APLP2: variants seen among roughly 807,000 people sequenced by gnomAD.
The protein encoded by APLP2 is amyloid beta precursor like protein 2.
A neutral mutation model predicts 89.9 loss-of-function variants in APLP2; 53 were observed. The ratio of observed to expected loss-of-function variants is 0.59; its 90% CI spans 0.47 to 0.74. APLP2 has a LOEUF of 0.74. APLP2 is among the 30% of genes least tolerant of loss of function. The pLI is 0.00. For synonymous variants in APLP2, 372 were observed against 348.6 expected (o/e 1.07, Z -0.75); for missense variants, 973 against 975.9 (o/e 1.00, Z 0.04).
chr11:130,131,547 C>G (rs543888037), intron 11 of APLP2, among the ~76,000 whole-genome samples: 13 of 152,244 alleles, frequency 8.5e-5, no homozygotes, highest in Non-Finnish European at 2.9e-5. Flanking sequence ...GCCTGGAGCT[C>G]AGGACTTTGC....
chr11:130,105,701 C>CTTTTTTTTTTT, intron 1 of APLP2, among the ~76,000 whole-genome samples: 1 of 118,208 alleles, frequency 8.5e-6, no homozygotes, highest in Non-Finnish European at 1.7e-5. Context: ...TTTCTGTCTG[C>CTTTTTTTTTTT]TTTTTTTTTT....
rs913659076 is a variant in APLP2, at chr11:130,143,892, A to C, written c.*444A>C. 6.4e-6 allele frequency: 1 copy of C among 156,272 alleles called. No individual in the cohort carries two copies. The highest frequency in any genetic ancestry group is 1.4e-5 in the Non-Finnish European group (1 of 70,794). The allele number at this position is 156,272 out of a possible 1,614,324, so 9.7% of individuals were successfully genotyped here. A position where few individuals can be genotyped will look rare whatever the true frequency, so the allele number is the denominator to read the frequency against. ...TGTCCTGGCTTTTATTTAAAGAAAAAAAAGGCAGTATTCCCTTTTTAAATG... is the reference window on the plus strand; with the variant it reads ...TGTCCTGGCTTTTATTTAAAGAAAACAAAGGCAGTATTCCCTTTTTAAATG... On this transcript the variant is annotated 3_prime_UTR_variant, in exon 17 of 17. Coordinates refer to ENST00000338167, the MANE Select transcript of APLP2 (RefSeq NM_001142276.2).
rs189205263 is a variant in APLP2, at chr11:130,073,254, A to G, written c.105+3172A>G. Among the ~76,000 whole-genome samples, 7 of 152,368 alleles carry G rather than the reference A, an allele frequency of 4.6e-5. No homozygotes were observed. The East Asian group carries it at 1.3e-3, about 29-fold the overall frequency. ...AAACAATACTTTAGACATGGGCTAA[A>G]TAAAACATTAAAATTAATTTCACTT... On this transcript the variant is annotated intron_variant, in intron 1 of 16. Coordinates refer to ENST00000338167, the MANE Select transcript of APLP2 (RefSeq NM_001142276.2).
At chr11:130,085,152 CA>C (rs1424323684) in intron 1 of APLP2, among the ~76,000 whole-genome samples, 13 of 149,326 alleles carry the variant, frequency 8.7e-5, no homozygotes, top group African/African-American at 3.3e-4. Flanking sequence ...AGTCAGTAAT[CA>C]AAAACCTCCC....
intron 1 of APLP2, among the ~76,000 whole-genome samples, chr11:130,095,708 C>T (rs1946103581): frequency 6.6e-6 from 1 of 152,206 alleles, no homozygotes; most frequent in Admixed American, 6.5e-5. Context: ...AACTTGCCAT[C>T]TTGCATAAGT....
intron 1 of APLP2, among the ~76,000 whole-genome samples, chr11:130,076,366 C>A (rs954787077): frequency 6.6e-6 from 1 of 152,172 alleles, no homozygotes; most frequent in Non-Finnish European, 1.5e-5. Flanking sequence ...TGAGCCACTG[C>A]GGGCCCAGCT....
intron 3 of APLP2, 121 bp downstream of exon 3, chr11:130,110,782 T>C (rs1174780091): frequency 3.9e-6 from 5 of 1,286,528 alleles, no homozygotes; most frequent in East Asian, 5.2e-5. Flanking sequence ...CATGAATTTA[T>C]TGGGGAGGAT....
intron 1 of APLP2, among the ~76,000 whole-genome samples, chr11:130,100,670 C>G (rs1293643467): frequency 6.6e-6 from 1 of 152,138 alleles, no homozygotes; most frequent in Non-Finnish European, 1.5e-5. Flanking sequence ...CTCATTTATA[C>G]TTTAATATTT....
In APLP2 at chr11:130,070,004, C is replaced by T. The variant is rs1321771029; in HGVS notation, c.27C>T (p.Ala9=). The change falls in exon 1 of 17, where the codon GCC becomes GCT. Residue 9 remains alanine, a synonymous_variant. Coordinates refer to ENST00000338167, the MANE Select transcript of APLP2 (RefSeq NM_001142276.2). MAATGTAA[A]AATGRLLLLL... ...TGGCGGCCACCGGGACCGCGGCCGCCGCAGCCACGGGCAGGCTCCTGCTTC... is the reference window on the plus strand; with the variant it reads ...TGGCGGCCACCGGGACCGCGGCCGCTGCAGCCACGGGCAGGCTCCTGCTTC... 2 of 1,505,480 alleles carry T rather than the reference C, an allele frequency of 1.3e-6. No individual in the cohort carries two copies. Among genetic ancestry groups the T allele is most frequent in the Non-Finnish European group, 1.8e-6 (2 of 1,132,568 alleles). 93.3% of individuals were successfully genotyped at this position (1,505,480 alleles called of 1,614,324 possible).
In APLP2 at chr11:130,143,614, A is replaced by G. The variant is rs746980893; in HGVS notation, c.*166A>G. The G allele has an allele frequency of 1.7e-6, 1 of 588,346 alleles. No homozygotes were observed. Among genetic ancestry groups the G allele is most frequent in the Non-Finnish European group, 3.0e-6 (1 of 329,250 alleles). 36.4% of individuals were successfully genotyped at this position (588,346 alleles called of 1,614,324 possible). ...GTACTACTGTAGAACTGCAATTTCC[A>G]TTCTTTTAAATGGGTGAAAAATGGT... On this transcript the variant is annotated 3_prime_UTR_variant, in exon 17 of 17. Transcript: ENST00000338167.
In APLP2 at chr11:130,127,746, G is replaced by A. The variant is rs758028458; in HGVS notation, c.1222-20G>A. The A allele has an allele frequency of 6.8e-6, 11 of 1,612,184 alleles. No homozygotes were observed. The highest frequency in any genetic ancestry group is 1.7e-5 in the Admixed American group (1 of 59,990). On this transcript the variant is annotated intron_variant, in intron 8 of 16. Transcript: ENST00000338167. ...CGGGGTATTAATCACTGCTGACGGC[G>A]TTTTTGACCTTTGTTCTAGGTAAAG... is the stretch of plus-strand genomic sequence containing the variant.
intron 9 of APLP2, 48 bp downstream of exon 9, chr11:130,127,888 A>G: frequency 6.5e-7 from 1 of 1,541,122 alleles, no homozygotes; most frequent in Non-Finnish European, 8.9e-7. Context: ...ACCATTGGAA[A>G]ATACGGTCAG....
At chr11:130,070,792 G>T in intron 1 of APLP2, 1 of 1,332,656 alleles carries the variant, frequency 7.5e-7, no homozygotes, top group East Asian at 3.1e-5. Context: ...TAGGGAAGGT[G>T]CCCGCGAAGG....
At chr11:130,079,361 A>T (rs1489557163) in intron 1 of APLP2, among the ~76,000 whole-genome samples, 1 of 152,162 alleles carries the variant, frequency 6.6e-6, no homozygotes, top group Non-Finnish European at 1.5e-5. Flanking sequence ...GGCCTACCAA[A>T]GTGCTGAGAT....
chr11:130,108,704 C>G (rs6590443), intron 1 of APLP2: 33,713 of 152,166 alleles, frequency 0.22, 5,206 homozygotes, highest in East Asian at 0.43. Flanking sequence ...TCCCATTACT[C>G]GGTATGTACC....
At chr11:130,140,590 C>T (rs761577768) in intron 14 of APLP2, 107 bp downstream of exon 14, 63 of 885,366 alleles carry the variant, frequency 7.1e-5, no homozygotes, top group South Asian at 2.9e-4. Context: ...GTTCGTTTTC[C>T]GCACAGTAGA....
At chr11:130,132,475 A>C (rs1951035034) in intron 11 of APLP2, among the ~76,000 whole-genome samples, 1 of 151,988 alleles carries the variant, frequency 6.6e-6, no homozygotes, top group Non-Finnish European at 1.5e-5. Context: ...CCAGGCGGGG[A>C]TGACTTAGCT....
chr11:130,136,512 G>A (rs981158539), intron 13 of APLP2, among the ~76,000 whole-genome samples: 1 of 152,162 alleles, frequency 6.6e-6, no homozygotes, highest in Non-Finnish European at 1.5e-5. Context: ...TAAGTGGAGA[G>A]TCAGGGGTCG....
chr11:130,070,422 C>T (rs1940734614), intron 1 of APLP2: 1 of 699,662 alleles, frequency 1.4e-6, no homozygotes, highest in Non-Finnish European at 1.9e-6. Flanking sequence ...CGCCCTCCCC[C>T]GGGACAATGC....
Sources: gnomAD v4.1 joint callset for allele counts (sites outside exome capture counted in the v4.1 genomes callset) on GRCh38, gnomAD v4.1.1 for gene constraint, MANE v1.5 for transcripts, NCBI Gene and HGNC (gene_info 2026-07-23, HGNC 2026-07-21) for gene names.